POU6F2: variants seen among roughly 807,000 people sequenced by gnomAD.
POU6F2 encodes the protein POU class 6 homeobox 2, also known as POU domain, class 6, transcription factor 2.
In POU6F2, 31 loss-of-function variants were observed where a neutral mutation model predicts 71.3. That is an observed-to-expected ratio of 0.43 (90% CI 0.33 to 0.59). The LOEUF is 0.59. POU6F2 is among the 20% of genes least tolerant of loss of function. The pLI is 0.04. For missense variants in POU6F2, 783 were observed against 856.8 expected (o/e 0.91, Z 1.07); for synonymous variants, 347 against 355.7 (o/e 0.98, Z 0.27).
At chr7:39,244,332 T>C (rs1783782948) in intron 4 of POU6F2, among the ~76,000 whole-genome samples, 1 of 152,140 alleles carries the variant, frequency 6.6e-6, no homozygotes, top group Non-Finnish European at 1.5e-5. Flanking sequence ...ACAACTACAG[T>C]TGGGTTCACT....
chr7:39,263,332 C>A (rs1205495439), intron 4 of POU6F2, among the ~76,000 whole-genome samples: 2 of 152,112 alleles, frequency 1.3e-5, no homozygotes, highest in African/African-American at 4.8e-5. Context: ...AATATTTTAT[C>A]TAATCACACG....
At chr7:39,175,479 G>A (rs1192668127) in intron 2 of POU6F2, among the ~76,000 whole-genome samples, 1 of 152,088 alleles carries the variant, frequency 6.6e-6, no homozygotes. Flanking sequence ...AGGTGTCTAG[G>A]GCCTACTTGT....
chr7:39,385,519 T>C (rs73125521), intron 5 of POU6F2, among the ~76,000 whole-genome samples: 30,833 of 152,092 alleles, frequency 0.2, 3,648 homozygotes, highest in East Asian at 0.49. Context: ...TTGCTCAGAG[T>C]GGTCAGAGCA....
chr7:39,129,620 GATAT>G (rs1157091918), intron 2 of POU6F2, among the ~76,000 whole-genome samples: 16 of 125,698 alleles, frequency 1.3e-4, no homozygotes, highest in South Asian at 2.7e-4. Flanking sequence ...AGAGACAATA[GATAT>G]ATAGATAGAT....
chr7:39,082,367 A>T (rs1479334314), intron 1 of POU6F2, among the ~76,000 whole-genome samples: 1 of 152,160 alleles, frequency 6.6e-6, no homozygotes, highest in Non-Finnish European at 1.5e-5. Flanking sequence ...AATTGCAAAG[A>T]AGTCTCAACA....
intron 1 of POU6F2, among the ~76,000 whole-genome samples, chr7:39,069,664 AT>A (rs1790834490): frequency 6.6e-6 from 1 of 152,232 alleles, no homozygotes; most frequent in Non-Finnish European, 1.5e-5. Context: ...CTTATTTAGT[AT>A]GTTATATGTA....
chr7:39,077,015 G>A (rs75155630), intron 1 of POU6F2, among the ~76,000 whole-genome samples: 4,602 of 152,288 alleles, frequency 0.03, 111 homozygotes, highest in African/African-American at 0.059. Context: ...ATTGCTAAAT[G>A]TAAATTCACT....
intron 7 of POU6F2, among the ~76,000 whole-genome samples, chr7:39,444,666 A>T (rs141916694): frequency 9.2e-5 from 14 of 152,356 alleles, no homozygotes; most frequent in African/African-American, 3.4e-4. Context: ...ATACAAAAAT[A>T]TTTAGTGGAG....
chr7:39,163,076 T>C (rs1295556245), intron 2 of POU6F2, among the ~76,000 whole-genome samples: 1 of 152,234 alleles, frequency 6.6e-6, no homozygotes, highest in East Asian at 1.9e-4. Context: ...AACCCCTTTC[T>C]CTTAATCAAA....
chr7:39,391,889 G>T (rs1787082563), intron 5 of POU6F2, among the ~76,000 whole-genome samples: 1 of 152,200 alleles, frequency 6.6e-6, no homozygotes, highest in African/African-American at 2.4e-5. Flanking sequence ...AGAACATTGT[G>T]ATAGCTCTGA....
At chr7:39,126,063 C>G (rs1554321791) in intron 2 of POU6F2, among the ~76,000 whole-genome samples, 1 of 152,184 alleles carries the variant, frequency 6.6e-6, no homozygotes, top group Non-Finnish European at 1.5e-5. Flanking sequence ...GTTCAGGTCC[C>G]TGTGATGCAA....
chr7:39,247,262 A>G (rs1262655919), intron 4 of POU6F2, among the ~76,000 whole-genome samples: 2 of 152,084 alleles, frequency 1.3e-5, no homozygotes, highest in African/African-American at 4.8e-5. Flanking sequence ...TGAGGCCAGG[A>G]GTTCAAGACC....
At chr7:39,215,207 T>C (rs1794215622) in intron 4 of POU6F2, among the ~76,000 whole-genome samples, 1 of 152,190 alleles carries the variant, frequency 6.6e-6, no homozygotes, top group East Asian at 1.9e-4. Context: ...TAGCAGGACA[T>C]CATGGTGGGC....
At chr7:39,233,943 C>T (rs1416045971) in intron 4 of POU6F2, among the ~76,000 whole-genome samples, 2 of 152,128 alleles carry the variant, frequency 1.3e-5, no homozygotes, top group African/African-American at 4.8e-5. Context: ...GTATTCGGCG[C>T]AGAGAAAGGC....
rs573753393 is a variant in POU6F2, at chr7:39,398,615, G to A, written c.973-7985G>A. Among the ~76,000 whole-genome samples the A allele has an allele frequency of 3.2e-3, 485 of 152,260 alleles. 4 individuals carry two copies. Among genetic ancestry groups the A allele is most frequent in the African/African-American group, 0.011 (439 of 41,550 alleles). ...GGTAGTCAAGGAAGGTGGCTCTAAGGAGGTGATCTGGGAGAATGGGAAAAA... is the reference window on the plus strand; with the variant it reads ...GGTAGTCAAGGAAGGTGGCTCTAAGAAGGTGATCTGGGAGAATGGGAAAAA... On this transcript the variant is annotated intron_variant, in intron 5 of 9. Coordinates refer to ENST00000518318, the MANE Select transcript of POU6F2 (RefSeq NM_001370959.1).
chr7:39,325,479 G>A (rs541409414), intron 4 of POU6F2, among the ~76,000 whole-genome samples: 72 of 152,238 alleles, frequency 4.7e-4, no homozygotes, highest in Non-Finnish European at 1.6e-4. Flanking sequence ...TCGTGGCGAT[G>A]TGAGAGAAAT....
At chr7:39,134,511 G>C (rs181429807) in intron 2 of POU6F2, among the ~76,000 whole-genome samples, 89 of 152,276 alleles carry the variant, frequency 5.8e-4, no homozygotes, top group Non-Finnish European at 8.2e-4. Flanking sequence ...TCTTCATTCT[G>C]TCTTTACATT....
intron 4 of POU6F2, among the ~76,000 whole-genome samples, chr7:39,263,002 C>T (rs1409579773): frequency 1.3e-5 from 2 of 152,110 alleles, no homozygotes; most frequent in African/African-American, 4.8e-5. Flanking sequence ...TATAAGATCA[C>T]GTTAAAGATG....
At chr7:39,248,625 A>G (rs1783861107) in intron 4 of POU6F2, among the ~76,000 whole-genome samples, 1 of 152,248 alleles carries the variant, frequency 6.6e-6, no homozygotes, top group Non-Finnish European at 1.5e-5. Flanking sequence ...AAATACACCC[A>G]CAGTATGTGC....
Sources: gnomAD v4.1 joint callset for allele counts (sites outside exome capture counted in the v4.1 genomes callset) on GRCh38, gnomAD v4.1.1 for gene constraint, MANE v1.5 for transcripts, NCBI Gene and HGNC (gene_info 2026-07-23, HGNC 2026-07-21) for gene names.